Variants in ADAMTS16 observed in about 807,000 individuals in gnomAD.
ADAMTS16 encodes the protein A disintegrin and metalloproteinase with thrombospondin motifs 16.
Under a neutral mutation model 145.8 loss-of-function variants are expected in ADAMTS16, and 94 were observed. That is an observed-to-expected ratio of 0.64 (90% CI 0.55 to 0.77). The LOEUF is 0.77. ADAMTS16 is among the 30% of genes least tolerant of loss of function. The pLI is 0.00. For missense variants in ADAMTS16, 1,585 were observed against 1,591.5 expected (o/e 1.00, Z 0.07); for synonymous variants, 659 against 604.3 (o/e 1.09, Z -1.33).
rs575074152 is a variant in ADAMTS16 at position 5,180,828 on chromosome 5, T to C, written c.502-1216T>C. 4.6e-5 allele frequency among the ~76,000 whole-genome samples: 7 copies of C among 152,260 alleles called. No individual in the cohort carries two copies. In the East Asian group the frequency reaches 1.4e-3, roughly 29 times the overall value. The stretch of plus-strand genomic sequence containing the variant: ...TACTGAATCATTCTACATCTCTATT[T>C]CCTCACCCATAAAAAGGGGGCACTG... On this transcript the variant is annotated intron_variant, in intron 3 of 22. Transcript: ENST00000274181.
intron 3 of ADAMTS16, among the ~76,000 whole-genome samples, chr5:5,168,738 A>G (rs1294835628): frequency 1.4e-5 from 2 of 139,256 alleles, no homozygotes; most frequent in Non-Finnish European, 3.0e-5. Context: ...ATATAATTAT[A>G]TAAAATATAA....
intron 3 of ADAMTS16, among the ~76,000 whole-genome samples, chr5:5,157,393 C>A (rs1185790584): frequency 6.8e-6 from 1 of 147,030 alleles, no homozygotes; most frequent in Non-Finnish European, 1.5e-5. Context: ...CAAAAATAAG[C>A]CTCTCTGGGA....
chr5:5,240,111 G>A (rs1230955374), intron 16 of ADAMTS16, among the ~76,000 whole-genome samples, 186 bp downstream of exon 16: 2 of 152,202 alleles, frequency 1.3e-5, no homozygotes, highest in Non-Finnish European at 2.9e-5. Flanking sequence ...GTATGATTAC[G>A]TTTGTATTTA....
At chr5:5,142,037 A>G (rs1374014729) in intron 2 of ADAMTS16, 1 of 150,056 alleles carries the variant, frequency 6.7e-6, no homozygotes, top group Non-Finnish European at 1.5e-5. Context: ...GTTAATTCTA[A>G]TTCACCTTTT....
Position 5,216,923 on chromosome 5 carries a change from A to G in ADAMTS16, c.1606-5866A>G, listed in dbSNP as rs1468819665. Among the ~76,000 whole-genome samples, 710 of 151,676 alleles carry G rather than the reference A, an allele frequency of 4.7e-3. 7 individuals are homozygous for G. Among genetic ancestry groups the G allele is most frequent in the African/African-American group, 0.016 (658 of 41,304 alleles). ...TTTCCAATTTCATCCATGTCCCTAC[A>G]AAGGACATGAACTCATCATTTTTTA... On this transcript the variant is annotated intron_variant, in intron 10 of 22. Coordinates refer to ENST00000274181, the MANE Select transcript of ADAMTS16 (RefSeq NM_139056.4).
At chr5:5,144,305 C>G (rs1560921413) in intron 2 of ADAMTS16, among the ~76,000 whole-genome samples, 1 of 152,150 alleles carries the variant, frequency 6.6e-6, no homozygotes, top group Non-Finnish European at 1.5e-5. Context: ...ACAGGCTACA[C>G]TTTTTTTCCT....
At chr5:5,301,669 T>C (rs1015262712) in intron 18 of ADAMTS16, among the ~76,000 whole-genome samples, 1 of 152,142 alleles carries the variant, frequency 6.6e-6, no homozygotes, top group Non-Finnish European at 1.5e-5. Context: ...ACACCTAACC[T>C]GAGGGTGACT....
intron 17 of ADAMTS16, among the ~76,000 whole-genome samples, chr5:5,260,693 C>T (rs1174036100): frequency 6.6e-6 from 1 of 152,224 alleles, no homozygotes; most frequent in Non-Finnish European, 1.5e-5. Flanking sequence ...AGCTGCCCTC[C>T]TCTTTACACT....
chr5:5,308,862 A>G (rs1740298903), intron 21 of ADAMTS16, among the ~76,000 whole-genome samples: 1 of 151,134 alleles, frequency 6.6e-6, no homozygotes, highest in Admixed American at 6.6e-5. Context: ...AAACAGGAGA[A>G]TTGCTTGAAC....
intron 2 of ADAMTS16, among the ~76,000 whole-genome samples, chr5:5,141,519 G>A (rs1490719414): frequency 2.0e-5 from 3 of 152,194 alleles, no homozygotes; most frequent in Non-Finnish European, 2.9e-5. Context: ...TGGTTGCTAG[G>A]TGGTTTTTTA....
chr5:5,209,360 C>G (rs1277745254), intron 10 of ADAMTS16, 114 bp downstream of exon 10: 2 of 1,304,834 alleles, frequency 1.5e-6, no homozygotes, highest in Non-Finnish European at 2.1e-6. Context: ...ATGTCAAATC[C>G]TGTATGTTAA....
chr5:5,284,629 T>C (rs577329839), intron 18 of ADAMTS16, among the ~76,000 whole-genome samples: 3 of 152,346 alleles, frequency 2.0e-5, no homozygotes, highest in African/African-American at 7.2e-5. Context: ...AGCTCGTTAA[T>C]AGAATTCTGT....
At chr5:5,186,866 G>A (rs1560939917) in intron 5 of ADAMTS16, among the ~76,000 whole-genome samples, 1 of 152,162 alleles carries the variant, frequency 6.6e-6, no homozygotes, top group Non-Finnish European at 1.5e-5. Flanking sequence ...GTGTTTTTAA[G>A]AATAGTTTTA....
chr5:5,170,038 C>A (rs948402579), intron 3 of ADAMTS16, among the ~76,000 whole-genome samples: 8 of 152,076 alleles, frequency 5.3e-5, no homozygotes, highest in African/African-American at 1.9e-4. Flanking sequence ...GATATCTCTT[C>A]GATTTTCTTC....
chr5:5,198,176 G>C (rs966183439), intron 8 of ADAMTS16, among the ~76,000 whole-genome samples: 2 of 152,188 alleles, frequency 1.3e-5, no homozygotes, highest in African/African-American at 4.8e-5. Context: ...TTCTTCATTA[G>C]CAGCTCAAGG....
chr5:5,289,509 T>C (rs1463777324), intron 18 of ADAMTS16, among the ~76,000 whole-genome samples: 1 of 152,248 alleles, frequency 6.6e-6, no homozygotes, highest in African/African-American at 2.4e-5. Flanking sequence ...TAATCCATGA[T>C]AGCTAGGCTC....
At chr5:5,229,045 T>G (rs1736846509) in intron 11 of ADAMTS16, among the ~76,000 whole-genome samples, 1 of 152,146 alleles carries the variant, frequency 6.6e-6, no homozygotes, top group Non-Finnish European at 1.5e-5. Context: ...ACGCCTGTAA[T>G]CCCAGCACTT....
chr5:5,217,479 T>C (rs1309098349), intron 10 of ADAMTS16, among the ~76,000 whole-genome samples: 1 of 152,236 alleles, frequency 6.6e-6, no homozygotes, highest in East Asian at 1.9e-4. Flanking sequence ...AGAATTTTTA[T>C]AGTTTCAGGT....
intron 18 of ADAMTS16, among the ~76,000 whole-genome samples, chr5:5,273,826 T>C (rs1252146559): frequency 6.6e-6 from 1 of 152,210 alleles, no homozygotes; most frequent in Non-Finnish European, 1.5e-5. Flanking sequence ...TAATTGAACT[T>C]ATTTCATGAA....
Sources: gnomAD v4.1 joint callset for allele counts (sites outside exome capture counted in the v4.1 genomes callset) on GRCh38, gnomAD v4.1.1 for gene constraint, MANE v1.5 for transcripts, NCBI Gene and HGNC (gene_info 2026-07-23, HGNC 2026-07-21) for gene names.